The following DGKB variants were observed in gnomAD, a reference collection of about 807,000 sequenced individuals.
DGKB encodes diacylglycerol kinase beta, also known as 90 kDa diacylglycerol kinase.
A neutral mutation model predicts 114.3 loss-of-function variants in DGKB; 67 were observed. That is an observed-to-expected ratio of 0.59 (90% CI 0.48 to 0.72). The LOEUF (loss-of-function observed/expected upper bound fraction) is 0.72, where lower values mean the gene tolerates loss of function less well. Among genes scored for constraint, DGKB ranks in the 30% least tolerant of loss-of-function variants. The pLI, the probability that DGKB is intolerant of heterozygous loss-of-function variation, is 0.00. For synonymous variants in DGKB, 398 were observed against 323.1 expected, an observed-to-expected ratio of 1.23 and a Z score of -2.49; for missense variants, 907 against 975.2, an observed-to-expected ratio of 0.93 and a Z score of 0.93.
At chr7:14,544,558 C>G (rs1023710040) in intron 20 of DGKB, among the ~76,000 whole-genome samples, 4 of 152,122 alleles carry the variant, frequency 2.6e-5, no homozygotes, top group Admixed American at 2.6e-4. Flanking sequence ...AATGACATCT[C>G]CTTTTATTCT....
At chr7:14,970,851 C>A (rs1248022556) in intron 1 of DGKB, among the ~76,000 whole-genome samples, 2 of 152,154 alleles carry the variant, frequency 1.3e-5, no homozygotes, top group Non-Finnish European at 2.9e-5. Flanking sequence ...GACACCATTT[C>A]TGAACGGCAG....
intron 1 of DGKB, among the ~76,000 whole-genome samples, chr7:14,893,557 C>A (rs970794982): frequency 6.6e-6 from 1 of 151,308 alleles, no homozygotes. Context: ...CTTCATTCCC[C>A]ATCTATGCCA....
intron 21 of DGKB, among the ~76,000 whole-genome samples, chr7:14,395,739 CATT>C (rs1822115220): frequency 6.6e-6 from 1 of 151,732 alleles, no homozygotes; most frequent in Non-Finnish European, 1.5e-5. Flanking sequence ...TTATTATTCA[CATT>C]ATTTTATCTG....
At chr7:14,329,050 G>T (rs766046331) in intron 23 of DGKB, among the ~76,000 whole-genome samples, 1 of 151,800 alleles carries the variant, frequency 6.6e-6, no homozygotes, top group Admixed American at 6.6e-5. Context: ...CAGAGTGGCC[G>T]CACACTTCCA....
chr7:14,657,324 A>G (rs1690457254), intron 13 of DGKB, among the ~76,000 whole-genome samples: 1 of 151,852 alleles, frequency 6.6e-6, no homozygotes, highest in Non-Finnish European at 1.5e-5. Context: ...GAATAATACC[A>G]TGAAATTGAG....
In DGKB at chr7:14,211,289, A is replaced by ATGTTT. The variant is rs1562626908; in HGVS notation, c.2123-33139_2123-33138insAAACA. 3.6e-4 allele frequency among the ~76,000 whole-genome samples: 39 copies of ATGTTT among 107,092 alleles called. 2 individuals are homozygous for ATGTTT. Among genetic ancestry groups the ATGTTT allele is most frequent in the Middle Eastern group, 4.1e-3 (1 of 242 alleles). 70.3% of individuals were successfully genotyped at this position (107,092 alleles called of 152,430 possible). ...GAAGTCTCTTTCCTTAGCCTCTACT[A>ATGTTT]TGTGATATTTACTCTCATGTTTTGT... On this transcript the variant is annotated intron_variant, in intron 23 of 25. Coordinates refer to ENST00000402815, the MANE Select transcript of DGKB (RefSeq NM_001350709.2).
chr7:14,437,348 A>G (rs1829427590), intron 21 of DGKB, among the ~76,000 whole-genome samples: 1 of 152,098 alleles, frequency 6.6e-6, no homozygotes, highest in South Asian at 2.1e-4. Flanking sequence ...AATCTCTTTG[A>G]TAATTCTAAA....
At chr7:14,395,717 G>T (rs1822111844) in intron 21 of DGKB, among the ~76,000 whole-genome samples, 1 of 151,412 alleles carries the variant, frequency 6.6e-6, no homozygotes, top group African/African-American at 2.4e-5. Flanking sequence ...GCCATTTTTA[G>T]GTTCCATTAA....
At chr7:14,329,742 G>A (rs10270714) in intron 23 of DGKB, among the ~76,000 whole-genome samples, 7,321 of 151,906 alleles carry the variant, frequency 0.048, 530 homozygotes, top group African/African-American at 0.16. Context: ...TTATATTTAG[G>A]AAATTTGTAT....
At chr7:14,812,533 C>A in intron 2 of DGKB, among the ~76,000 whole-genome samples, 2 of 152,140 alleles carry the variant, frequency 1.3e-5, no homozygotes, top group South Asian at 4.2e-4. Flanking sequence ...TAAAGTCATT[C>A]TTCTTTAATA....
intron 1 of DGKB, among the ~76,000 whole-genome samples, chr7:14,911,112 G>A (rs2128243507): frequency 6.6e-6 from 1 of 152,028 alleles, no homozygotes; most frequent in African/African-American, 2.4e-5. Flanking sequence ...ATGTATACAT[G>A]TAGTAAAACA....
chr7:14,404,343 T>A (rs1823602758), intron 21 of DGKB, among the ~76,000 whole-genome samples: 1 of 151,818 alleles, frequency 6.6e-6, no homozygotes, highest in Admixed American at 6.6e-5. Context: ...ACCTTTTTTT[T>A]ATTGAATATT....
chr7:14,812,188 C>G (rs1268627572), intron 2 of DGKB, among the ~76,000 whole-genome samples: 1 of 152,098 alleles, frequency 6.6e-6, no homozygotes, highest in East Asian at 1.9e-4. Flanking sequence ...AATCATGCTT[C>G]TATGGACACG....
rs917644112 is a variant in DGKB at position 14,313,725 on chromosome 7, A to G, written c.2122+24790T>C. ...GGGGGAGGGGCGCCCGCCATTGCCC[A>G]GGCTTGCTTAGGTAAACAAAGCAGC... On this transcript the variant is annotated intron_variant, in intron 23 of 25. Transcript: ENST00000402815. 4.1e-3 allele frequency among the ~76,000 whole-genome samples: 625 copies of G among 152,298 alleles called. 1 individual carries two copies. Among genetic ancestry groups the G allele is most frequent in the African/African-American group, 5.5e-3 (230 of 41,576 alleles).
At chr7:14,451,274 A>C (rs192762907) in intron 21 of DGKB, among the ~76,000 whole-genome samples, 8 of 152,144 alleles carry the variant, frequency 5.3e-5, no homozygotes, top group Admixed American at 2.6e-4. Context: ...GGACTCATCT[A>C]ATGTGTTGAA....
intron 13 of DGKB, among the ~76,000 whole-genome samples, chr7:14,648,568 A>G (rs1418552844): frequency 1.3e-5 from 2 of 152,280 alleles, no homozygotes; most frequent in East Asian, 3.9e-4. Flanking sequence ...GAAAACTGGA[A>G]ACTCTAAAAA....
intron 21 of DGKB, among the ~76,000 whole-genome samples, chr7:14,442,794 C>A (rs181070538): frequency 1.3e-5 from 2 of 152,126 alleles, no homozygotes; most frequent in Non-Finnish European, 2.9e-5. Flanking sequence ...CATCCTCCTG[C>A]CTCTGCCTCC....
intron 20 of DGKB, among the ~76,000 whole-genome samples, chr7:14,502,298 T>A (rs1460411990): frequency 6.6e-6 from 1 of 152,012 alleles, no homozygotes; most frequent in Non-Finnish European, 1.5e-5. Flanking sequence ...AGAAGTCAGG[T>A]AGAACCAAGG....
intron 12 of DGKB, among the ~76,000 whole-genome samples, chr7:14,676,241 C>G (rs1388807569): frequency 2.7e-5 from 4 of 150,538 alleles, no homozygotes; most frequent in Admixed American, 2.6e-4. Flanking sequence ...ACAGAACATT[C>G]ATGTGGGGAA....
Sources: allele counts gnomAD v4.1 joint callset (sites outside exome capture counted in the v4.1 genomes callset), GRCh38; gene constraint gnomAD v4.1.1; transcripts MANE v1.5; gene names NCBI Gene and HGNC (gene_info 2026-07-23, HGNC 2026-07-21).